The following RAB31 variants were observed in gnomAD, a reference collection of about 807,000 sequenced individuals.
RAB31 encodes the protein ras-related protein Rab-31.
A neutral mutation model predicts 25.6 loss-of-function variants in RAB31; 21 were observed. The ratio of observed to expected loss-of-function variants is 0.82; its 90% CI spans 0.58 to 1.18. RAB31 has a LOEUF of 1.18. Ranked by LOEUF, RAB31 falls within the 50% of genes most tolerant of loss-of-function variation. RAB31 has a pLI of 0.00. For missense variants in RAB31, 196 were observed against 250.1 expected (o/e 0.78, Z 1.46); for synonymous variants, 87 against 84.0 (o/e 1.04, Z -0.20).
At chr18:9,825,923 C>T (rs1179565769) in intron 5 of RAB31, among the ~76,000 whole-genome samples, 1 of 152,116 alleles carries the variant, frequency 6.6e-6, no homozygotes, top group Non-Finnish European at 1.5e-5. Flanking sequence ...GAAACAGACA[C>T]TGGGAGCTTC....
chr18:9,820,519 A>G (rs987678303), intron 5 of RAB31, among the ~76,000 whole-genome samples: 1 of 152,038 alleles, frequency 6.6e-6, no homozygotes, highest in Non-Finnish European at 1.5e-5. Flanking sequence ...GTCTTGCAGA[A>G]TGAGTTGATA....
At chr18:9,786,062 AAG>A (rs1568178692) in intron 2 of RAB31, among the ~76,000 whole-genome samples, 1 of 101,726 alleles carries the variant, frequency 9.8e-6, no homozygotes, top group African/African-American at 4.1e-5. Context: ...GAAAGAGAGA[AAG>A]AGAAAGAGAG....
chr18:9,824,518 G>A (rs972829606), intron 5 of RAB31, among the ~76,000 whole-genome samples: 1 of 152,116 alleles, frequency 6.6e-6, no homozygotes, highest in Non-Finnish European at 1.5e-5. Context: ...GTGTAAGCTT[G>A]TCAATTCTTG....
chr18:9,746,847 G>T (rs1383443959), intron 1 of RAB31, among the ~76,000 whole-genome samples: 1 of 152,146 alleles, frequency 6.6e-6, no homozygotes, highest in East Asian at 1.9e-4. Context: ...AAATCTCCAT[G>T]ACTTTGTTTT....
intron 1 of RAB31, among the ~76,000 whole-genome samples, chr18:9,749,425 C>G (rs550122971): frequency 1.1e-4 from 16 of 152,328 alleles, no homozygotes; most frequent in African/African-American, 3.4e-4. Context: ...GTGTCTGATT[C>G]CAGAGCCCAG....
chr18:9,721,345 T>C (rs1011251717), intron 1 of RAB31, among the ~76,000 whole-genome samples: 1 of 152,166 alleles, frequency 6.6e-6, no homozygotes, highest in Non-Finnish European at 1.5e-5. Context: ...GGACAGTGGC[T>C]CATGCCTGTA....
In RAB31 at chr18:9,818,294, G is replaced by T. The variant is rs9946282; in HGVS notation, c.380+3072G>T. ...CGACTGTTAGTATATTTTTAGAGTT[G>T]TACAGTCATCTCATATCTAATTTTA... On this transcript the variant is annotated intron_variant, in intron 5 of 6. Transcript: ENST00000578921. Among the ~76,000 whole-genome samples, 883 of 152,214 alleles carry T rather than the reference G, an allele frequency of 5.8e-3. 4 individuals carry two copies. Among genetic ancestry groups the T allele is most frequent in the African/African-American group, 0.02 (833 of 41,520 alleles).
intron 1 of RAB31, among the ~76,000 whole-genome samples, chr18:9,749,929 G>T (rs2068225921): frequency 6.6e-6 from 1 of 152,192 alleles, no homozygotes; most frequent in Admixed American, 6.5e-5. Context: ...GCAGGGACAA[G>T]AAAATTGAGC....
chr18:9,759,395 TC>T (rs2068276208), intron 1 of RAB31, among the ~76,000 whole-genome samples: 1 of 152,028 alleles, frequency 6.6e-6, no homozygotes, highest in Admixed American at 6.6e-5. Flanking sequence ...GTTCTCAAAC[TC>T]CTGGCTTCAA....
At chr18:9,773,825 A>G (rs374198439) in intron 1 of RAB31, among the ~76,000 whole-genome samples, 60 of 151,996 alleles carry the variant, frequency 3.9e-4, no homozygotes, top group African/African-American at 1.4e-3. Flanking sequence ...CACCCGGCTA[A>G]TTTTTACATT....
chr18:9,710,751 G>C (rs1271655771), intron 1 of RAB31, among the ~76,000 whole-genome samples: 1 of 152,110 alleles, frequency 6.6e-6, no homozygotes, highest in Admixed American at 6.5e-5. Flanking sequence ...CCAGCTACTC[G>C]GGAGGCTGAG....
At chr18:9,747,509 T>C (rs764328969) in intron 1 of RAB31, among the ~76,000 whole-genome samples, 3 of 152,178 alleles carry the variant, frequency 2.0e-5, no homozygotes, top group African/African-American at 7.2e-5. Context: ...AAACATACAA[T>C]GAAAAATTAT....
intron 1 of RAB31, among the ~76,000 whole-genome samples, chr18:9,761,726 T>G (rs1307809235): frequency 6.6e-6 from 1 of 152,176 alleles, no homozygotes; most frequent in African/African-American, 2.4e-5. Flanking sequence ...GTCCTCTTCA[T>G]GCATGGCAGC....
At chr18:9,769,858 A>G (rs11660182) in intron 1 of RAB31, among the ~76,000 whole-genome samples, 14,728 of 152,210 alleles carry the variant, frequency 0.097, 793 homozygotes, top group South Asian at 0.2. Context: ...GATACATTCC[A>G]TCAATACCTA....
rs562378068 is a variant in RAB31 at position 9,840,265 on chromosome 18, C to T, written c.381-5317C>T. Among the ~76,000 whole-genome samples, 30 of 152,246 alleles carry T rather than the reference C, an allele frequency of 2.0e-4. 1 individual carries two copies. The highest frequency in any genetic ancestry group is 1.8e-3 in the Admixed American group (28 of 15,290). ...TAGAAAGTCTAAAAATAGTCTTTAC[C>T]GTCAAAACTAACTCTCTGCATGTTT... On this transcript the variant is annotated intron_variant, in intron 5 of 6. Coordinates refer to ENST00000578921, the MANE Select transcript of RAB31 (RefSeq NM_006868.4).
intron 1 of RAB31, among the ~76,000 whole-genome samples, chr18:9,724,696 G>C (rs1333815206): frequency 6.6e-6 from 1 of 152,194 alleles, no homozygotes; most frequent in Non-Finnish European, 1.5e-5. Flanking sequence ...GCTTCAGAAT[G>C]CCTTTGATTA....
chr18:9,819,232 A>C (rs918927337), intron 5 of RAB31, among the ~76,000 whole-genome samples: 9 of 152,060 alleles, frequency 5.9e-5, no homozygotes, highest in African/African-American at 1.9e-4. Flanking sequence ...ATCCATTTTG[A>C]GTTACTTTTT....
At chr18:9,710,523 A>G (rs1853880613) in intron 1 of RAB31, among the ~76,000 whole-genome samples, 1 of 152,210 alleles carries the variant, frequency 6.6e-6, no homozygotes. Context: ...GCCAAAGCAG[A>G]GAAAGAAGAG....
At chr18:9,829,734 T>G (rs2068667941) in intron 5 of RAB31, among the ~76,000 whole-genome samples, 1 of 152,194 alleles carries the variant, frequency 6.6e-6, no homozygotes, top group Admixed American at 6.5e-5. Context: ...TATCTGACAG[T>G]CATTTCAATG....
Sources: gnomAD v4.1 joint callset for allele counts (sites outside exome capture counted in the v4.1 genomes callset) on GRCh38, gnomAD v4.1.1 for gene constraint, MANE v1.5 for transcripts, NCBI Gene and HGNC (gene_info 2026-07-23, HGNC 2026-07-21) for gene names.